The following CFAP77 variants were observed in gnomAD, a reference collection of about 807,000 sequenced individuals.
The protein encoded by CFAP77 is cilia and flagella associated protein 77, also known as cilia- and flagella-associated protein 77.
In CFAP77, 25 loss-of-function variants were observed where a neutral mutation model predicts 31.1. That is an observed-to-expected ratio of 0.80 (90% CI 0.59 to 1.12). The LOEUF is 1.12. CFAP77 is among the 50% of genes most tolerant of loss of function. The pLI, the probability that CFAP77 is intolerant of heterozygous loss-of-function variation, is 0.00. For missense variants in CFAP77, 377 were observed against 397.3 expected, an observed-to-expected ratio of 0.95 and a Z score of 0.44; for synonymous variants, 151 against 159.9, an observed-to-expected ratio of 0.94 and a Z score of 0.42.
intron 1 of CFAP77, among the ~76,000 whole-genome samples, chr9:132,461,852 C>T (rs1223563995): frequency 3.3e-5 from 5 of 152,184 alleles, no homozygotes; most frequent in Non-Finnish European, 7.3e-5. Flanking sequence ...GCTGCGATTT[C>T]CCCCCGTTTC....
At chr9:132,485,700 C>G (rs560365236) in intron 1 of CFAP77, among the ~76,000 whole-genome samples, 1 of 151,998 alleles carries the variant, frequency 6.6e-6, no homozygotes, top group African/African-American at 2.4e-5. Flanking sequence ...CTGCAAAGTA[C>G]GACGCCAAGT....
At chr9:132,503,770 C>G (rs1212274106) in intron 3 of CFAP77, among the ~76,000 whole-genome samples, 1 of 152,058 alleles carries the variant, frequency 6.6e-6, no homozygotes, top group Non-Finnish European at 1.5e-5. Context: ...AAAATAGAGC[C>G]GGGTGCAGTG....
intron 3 of CFAP77, among the ~76,000 whole-genome samples, chr9:132,524,481 C>T (rs1049780519): frequency 4.6e-5 from 7 of 151,518 alleles, no homozygotes; most frequent in Non-Finnish European, 8.8e-5. Flanking sequence ...GGCGTGGCAG[C>T]GTGAGCCTGT....
At chr9:132,557,135 G>A (rs561349603) in intron 5 of CFAP77, among the ~76,000 whole-genome samples, 1 of 152,198 alleles carries the variant, frequency 6.6e-6, no homozygotes, top group East Asian at 1.9e-4. Context: ...GGGTGTGTGT[G>A]TGCAGGGTGT....
chr9:132,440,226 A>G (rs1234055049), intron 1 of CFAP77, among the ~76,000 whole-genome samples: 2 of 152,090 alleles, frequency 1.3e-5, no homozygotes, highest in East Asian at 3.8e-4. Flanking sequence ...AGTCCCAGCT[A>G]CTTGAGAGGT....
At chr9:132,468,509 C>A (rs1332652077) in intron 1 of CFAP77, among the ~76,000 whole-genome samples, 2 of 152,182 alleles carry the variant, frequency 1.3e-5, no homozygotes, top group African/African-American at 4.8e-5. Context: ...CTCGTACTCA[C>A]CCAGCACTTC....
chr9:132,499,466 C>T lies in CFAP77; in HGVS notation c.390C>T (p.Ala130=), dbSNP rs762184684. 1.5e-5 allele frequency: 24 copies of T among 1,614,096 alleles called. No individual in the cohort carries two copies. Among genetic ancestry groups the T allele is most frequent in the Non-Finnish European group, 1.8e-5 (21 of 1,180,048 alleles). Residue 130 remains alanine, a synonymous_variant, in exon 3 of 6, where the codon GCC becomes GCT. Coordinates refer to ENST00000393216, the MANE Select transcript of CFAP77 (RefSeq NM_001282957.2). This position sits in a 1 kb window ranked among gnomAD's most constrained non-coding sequence, Gnocchi z 5.4. ...YIAMNRGAVK[A]GLVTARENLL... ...CAATGAACCGCGGGGCGGTGAAAGC[C>T]GGCCTGGTGACTGCCCGGGAGAACT...
chr9:132,476,462 G>A (rs1364541910), intron 1 of CFAP77, among the ~76,000 whole-genome samples: 2 of 152,096 alleles, frequency 1.3e-5, no homozygotes, highest in East Asian at 3.9e-4. Flanking sequence ...CACAGGTGGT[G>A]TCTGTCTGAG....
intron 3 of CFAP77, among the ~76,000 whole-genome samples, chr9:132,509,883 G>A (rs1206474510): frequency 6.6e-6 from 1 of 152,026 alleles, no homozygotes; most frequent in African/African-American, 2.4e-5. Context: ...GCCTCCCTGG[G>A]GCCCCAGACT....
At position 132,539,444 on chromosome 9, in the gene CFAP77, CAG is replaced by C. The variant is rs1034332093; in HGVS notation, c.630+1744_630+1745del. Among the ~76,000 whole-genome samples the C allele has an allele frequency of 6.6e-6, 1 of 152,140 alleles. No homozygotes were observed. Among genetic ancestry groups the C allele is most frequent in the Non-Finnish European group, 1.5e-5 (1 of 68,020 alleles). On this transcript the variant is annotated intron_variant, in intron 4 of 5. Coordinates refer to ENST00000393216, the MANE Select transcript of CFAP77 (RefSeq NM_001282957.2). The surrounding 1 kb of genome is among the most constrained non-coding windows in gnomAD (Gnocchi z 4.3). ...TTTATTTCACGGGGAAACTAGGGCT[CAG>C]AGAGATGAAGTGATTTGCCAACAGT... is the stretch of plus-strand genomic sequence containing the variant.
chr9:132,566,498 A>G (rs977915305), intron 5 of CFAP77, among the ~76,000 whole-genome samples: 2 of 152,214 alleles, frequency 1.3e-5, no homozygotes, highest in African/African-American at 4.8e-5. Flanking sequence ...GGGGCTCAAC[A>G]TGCCAGTTCT....
chr9:132,457,637 G>C (rs1850944397), intron 1 of CFAP77, among the ~76,000 whole-genome samples: 1 of 152,224 alleles, frequency 6.6e-6, no homozygotes, highest in African/African-American at 2.4e-5. Flanking sequence ...TCTGGCGACA[G>C]GTTACTGATG....
rs148565259 is a variant in CFAP77 at position 132,466,818 on chromosome 9, C to A, written c.196-31877C>A. ...CCTGCTCTAATTCTTTGATTCAGAT[C>A]AATCAATGACATTTGTCACAGCCAG... On this transcript the variant is annotated intron_variant, in intron 1 of 5. Coordinates refer to ENST00000393216, the MANE Select transcript of CFAP77 (RefSeq NM_001282957.2). 6.4e-3 allele frequency among the ~76,000 whole-genome samples: 979 copies of A among 152,310 alleles called. 10 individuals carry two copies. The highest frequency in any genetic ancestry group is 0.022 in the African/African-American group (911 of 41,544).
chr9:132,555,748 AC>A (rs1564251423), intron 5 of CFAP77, among the ~76,000 whole-genome samples: 1 of 150,946 alleles, frequency 6.6e-6, no homozygotes, highest in East Asian at 1.9e-4. Flanking sequence ...TCCCTAACAC[AC>A]CCCCCAGCCC....
At chr9:132,423,600 C>G (rs1377512101) in intron 1 of CFAP77, among the ~76,000 whole-genome samples, 3 of 152,216 alleles carry the variant, frequency 2.0e-5, no homozygotes, top group African/African-American at 7.2e-5. Context: ...AGGCTTCCAA[C>G]CAGGTCTGTC....
intron 3 of CFAP77, among the ~76,000 whole-genome samples, chr9:132,514,572 G>T (rs1352531376): frequency 6.6e-6 from 1 of 152,096 alleles, no homozygotes; most frequent in East Asian, 1.9e-4. Context: ...TTCCATTTTG[G>T]CTTCACCGAG....
intron 1 of CFAP77, among the ~76,000 whole-genome samples, chr9:132,428,497 C>T (rs1478352858): frequency 6.6e-6 from 1 of 152,160 alleles, no homozygotes; most frequent in East Asian, 1.9e-4. Flanking sequence ...CACCTGTAAT[C>T]CCAGTTACTT....
intron 5 of CFAP77, among the ~76,000 whole-genome samples, chr9:132,572,051 T>C (rs1264140353): frequency 1.3e-5 from 2 of 151,872 alleles, no homozygotes. Context: ...GGTGGCTTGT[T>C]TGGGGTTTTT....
intron 1 of CFAP77, among the ~76,000 whole-genome samples, chr9:132,422,933 T>G (rs1850247552): frequency 6.6e-6 from 1 of 152,048 alleles, no homozygotes; most frequent in South Asian, 2.1e-4. Context: ...TCCAGGCTGG[T>G]TTAGGGTTAG....
Sources: gnomAD v4.1 joint callset for allele counts (sites outside exome capture counted in the v4.1 genomes callset) on GRCh38, gnomAD v4.1.1 for gene constraint, Gnocchi (gnomAD v3.1) non-coding constraint, MANE v1.5 for transcripts, NCBI Gene and HGNC (gene_info 2026-07-23, HGNC 2026-07-21) for gene names.